Variants in CNTD1 observed in about 807,000 individuals in gnomAD.
The protein encoded by CNTD1 is cyclin N-terminal domain-containing protein 1.
Under a neutral mutation model 36.3 loss-of-function variants are expected in CNTD1, and 17 were observed. That is an observed-to-expected ratio of 0.47 (90% CI 0.32 to 0.70). CNTD1 has a LOEUF of 0.70. CNTD1 is among the 30% of genes least tolerant of loss of function. The pLI, the probability that CNTD1 is intolerant of heterozygous loss-of-function variation, is 0.03. For missense variants in CNTD1, 338 were observed against 386.1 expected (o/e 0.88, Z 1.04); for synonymous variants, 128 against 153.3 (o/e 0.83, Z 1.22).
intron 1 of CNTD1, among the ~76,000 whole-genome samples, chr17:42,800,987 C>G (rs1233295200): frequency 2.6e-5 from 4 of 152,028 alleles, no homozygotes; most frequent in Admixed American, 1.3e-4. Flanking sequence ...GGGTTCGAGA[C>G]CAGCCTGGCC....
Position 42,799,241 on chromosome 17 carries a change from G to A in CNTD1, c.169+5G>A, listed in dbSNP as rs1283074065. ...TCAGGGAGCCCCAGATCGTGGGTGC[G>A]GCTGCAGGGCCGGGGTGCTGGGTTC... On this transcript the variant is annotated splice_donor_5th_base_variant and intron_variant, in intron 1 of 6. Transcript: ENST00000588408. The A allele has an allele frequency of 3.7e-6, 6 of 1,611,950 alleles. No individual in the cohort carries two copies. Among genetic ancestry groups the A allele is most frequent in the African/African-American group, 2.7e-5 (2 of 74,848 alleles).
Position 42,810,746 on chromosome 17 carries a change from C to T in CNTD1, c.*1211C>T. 2 of 1,587,430 alleles carry T rather than the reference C, an allele frequency of 1.3e-6. No individual in the cohort carries two copies. Among genetic ancestry groups the T allele is most frequent in the East Asian group, 2.3e-5 (1 of 44,252 alleles). On this transcript the variant is annotated 3_prime_UTR_variant, in exon 7 of 7. Coordinates refer to ENST00000588408, the MANE Select transcript of CNTD1 (RefSeq NM_173478.3). ...TAAAAGCCTTTAAGGCAAACCTCCC[C>T]CTAAGGAAAAAAGTCATTTGTTATA...
chr17:42,810,638 T>C lies in CNTD1; in HGVS notation c.*1103T>C. On this transcript the variant is annotated 3_prime_UTR_variant, in exon 7 of 7. Transcript: ENST00000588408. ...TTAAAATAAAGTGGCTTTTGTGGAT[T>C]TTTTCTTTTTTGGTATTGTAAACAT... 1 of 1,092,260 alleles carries C rather than the reference T, an allele frequency of 9.2e-7. No individual in the cohort carries two copies. Among genetic ancestry groups the C allele is most frequent in the South Asian group, 2.1e-5 (1 of 46,562 alleles). The allele number at this position is 1,092,260 out of a possible 1,614,324, so 67.7% of individuals were successfully genotyped here. A position where few individuals can be genotyped will look rare whatever the true frequency, so the allele number is the denominator to read the frequency against.
Position 42,809,418 on chromosome 17 carries a change from G to A in CNTD1, c.876G>A (p.Glu292=). The A allele has an allele frequency of 6.2e-7, 1 of 1,614,170 alleles. No homozygotes were observed. Among genetic ancestry groups the A allele is most frequent in the East Asian group, 2.2e-5 (1 of 44,890 alleles). ...GTATTGCCTTGGCAAGCATTGCTGA[G>A]TTCTCTTATGCAATCCTGACTCACG... ...ITGIALASIA[E]FSYAILTHGV... Residue 292 remains glutamate (E), a synonymous_variant, in exon 7 of 7, where the codon GAG becomes GAA. Coordinates refer to ENST00000588408, the MANE Select transcript of CNTD1 (RefSeq NM_173478.3).
intron 1 of CNTD1, 125 bp from the exon 2 acceptor site, chr17:42,803,495 C>T (rs781198660): frequency 2.9e-6 from 2 of 695,210 alleles, no homozygotes; most frequent in Non-Finnish European, 5.0e-6. Flanking sequence ...TTGTTTTAGT[C>T]TCATCTTTCT....
rs1203712855 is a variant in CNTD1 at position 42,805,717 on chromosome 17, C to T, written c.418-5C>T. Reference sequence around the variant, plus strand: ...TTCTTCTTTCCCTCTCTTTTCTTTGCTCAGATAATCAGCAACATTACAGTC... The same window carrying T: ...TTCTTCTTTCCCTCTCTTTTCTTTGTTCAGATAATCAGCAACATTACAGTC... On this transcript the variant is annotated splice_region_variant and splice_polypyrimidine_tract_variant and intron_variant, in intron 3 of 6. Coordinates refer to ENST00000588408, the MANE Select transcript of CNTD1 (RefSeq NM_173478.3). 2 of 1,608,110 alleles carry T rather than the reference C, an allele frequency of 1.2e-6. No individual in the cohort carries two copies.
chr17:42,804,346 C>T lies in CNTD1; in HGVS notation c.367C>T (p.Arg123Cys), dbSNP rs768435292. The T allele has an allele frequency of 3.7e-6, 6 of 1,614,040 alleles. No homozygotes were observed. In the South Asian group the frequency reaches 4.4e-5, roughly 12 times the overall value. The change falls in exon 3 of 7, where the codon CGT becomes TGT. Residue 123 changes from arginine (R) to cysteine (C), a missense_variant. Transcript: ENST00000588408. ...KQQLVNKFTLRLVSCVQLASK... is the reference protein window; with the variant it reads ...KQQLVNKFTLCLVSCVQLASK... ...GCAGCTTGTCAACAAGTTTACTCTC[C>T]GTCTTGTGTCATGTGTTCAGCTGGC...
intron 1 of CNTD1, among the ~76,000 whole-genome samples, chr17:42,801,505 AAAAAAATATATAT>A (rs1476753926): frequency 1.8e-5 from 1 of 54,668 alleles, no homozygotes; most frequent in African/African-American, 1.7e-4. Flanking sequence ...CAAAAAAAAA[AAAAAAATATATAT>A]ATATATATAT....
rs754965732 is a variant in CNTD1, at chr17:42,805,820, C to T, written c.516C>T (p.Ser172=). The change falls in exon 4 of 7, where the codon TCC becomes TCT. Residue 172 remains serine, a synonymous_variant. Coordinates refer to ENST00000588408, the MANE Select transcript of CNTD1 (RefSeq NM_173478.3). ...AATCAGAGCTTGATGTTTTGAAGTCCTTGAACTTCCGAATTAATCTGCCCA... is the reference window on the plus strand; with the variant it reads ...AATCAGAGCTTGATGTTTTGAAGTCTTTGAACTTCCGAATTAATCTGCCCA... ...LLESELDVLK[S]LNFRINLPTP... 5 of 1,613,986 alleles carry T rather than the reference C, an allele frequency of 3.1e-6. No homozygotes were observed. Among genetic ancestry groups the T allele is most frequent in the East Asian group, 2.2e-5 (1 of 44,900 alleles).
intron 1 of CNTD1, among the ~76,000 whole-genome samples, chr17:42,802,018 C>T (rs2054803859): frequency 6.6e-6 from 1 of 152,110 alleles, no homozygotes; most frequent in Non-Finnish European, 1.5e-5. Context: ...CTCTGAGAAT[C>T]ATTTCAGCAA....
At position 42,806,775 on chromosome 17, in the gene CNTD1, T is replaced by C. The variant is rs567598079; in HGVS notation, c.682T>C (p.Leu228=). 2 of 1,614,134 alleles carry C rather than the reference T, an allele frequency of 1.2e-6. No individual in the cohort carries two copies. Among genetic ancestry groups the C allele is most frequent in the African/African-American group, 2.7e-5 (2 of 75,022 alleles). Residue 228 remains leucine, a synonymous_variant, in exon 5 of 7, where the codon TTG becomes CTG. Coordinates refer to ENST00000588408, the MANE Select transcript of CNTD1 (RefSeq NM_173478.3). ...LLHEPIYESL[L]RASIENSTPS... ...GCATGAACCCATATATGAGAGCCTGTTGAGGGCTTCAATTGAGAACTCCAC... is the reference window on the plus strand; with the variant it reads ...GCATGAACCCATATATGAGAGCCTGCTGAGGGCTTCAATTGAGAACTCCAC...
At position 42,803,626 on chromosome 17, in the gene CNTD1, T is replaced by C. The variant is rs2054829784; in HGVS notation, c.176T>C (p.Val59Ala). ...RFREPQIVEF[V>A]FLLSEQWCLE... is the part of the protein sequence containing the mutation. ...TTTTTTCCTGTTTTGGCAGAGTTTG[T>C]TTTTCTCCTGTCTGAACAATGGTGT... The change falls in exon 2 of 7, where the codon GTT (valine) becomes GCT (alanine). Residue 59 changes from valine to alanine, a missense_variant. Val to Ala is a moderately conservative substitution (Grantham distance 64, BLOSUM62 0). Coordinates refer to ENST00000588408, the MANE Select transcript of CNTD1 (RefSeq NM_173478.3). 6.2e-7 allele frequency: 1 copy of C among 1,613,080 alleles called. No individual in the cohort carries two copies. Among genetic ancestry groups the C allele is most frequent in the Non-Finnish European group, 8.5e-7 (1 of 1,179,672 alleles).
chr17:42,806,925 T>C lies in CNTD1; in HGVS notation c.725+107T>C, dbSNP rs1597918128. ...GCCTAGCATGGCATCCAGTCCCAGA[T>C]AACCTACTCAGGCTACCTGGTTCTC... On this transcript the variant is annotated intron_variant, in intron 5 of 6. Transcript: ENST00000588408. 1.1e-5 allele frequency: 11 copies of C among 1,031,082 alleles called. No homozygotes were observed. The East Asian group carries it at 2.8e-4, about 27-fold the overall frequency. The allele number at this position is 1,031,082 out of a possible 1,614,324, so 63.9% of individuals were successfully genotyped here. A position where few individuals can be genotyped will look rare whatever the true frequency, so the allele number is the denominator to read the frequency against.
intron 2 of CNTD1, 77 bp from the exon 3 acceptor site, chr17:42,804,148 A>T: frequency 7.2e-7 from 1 of 1,390,210 alleles, no homozygotes; most frequent in Admixed American, 2.1e-5. Context: ...CTCAAATGTA[A>T]ATTTCTTAAC....
Position 42,799,072 on chromosome 17 carries a change from A to G in CNTD1, c.5A>G (p.Asp2Gly). The change falls in exon 1 of 7, where the codon GAC (aspartate) becomes GGC (glycine). Residue 2 changes from aspartate (D) to glycine (G), a missense_variant. By Grantham distance (94) the Asp-to-Gly change is moderately conservative. Transcript: ENST00000588408. Reference sequence around the variant, plus strand: ...TGCCCCAAGAGGCTCGTGAATATGGACGGACCCATGAGGCCACGATCGGCC... The same window carrying G: ...TGCCCCAAGAGGCTCGTGAATATGGGCGGACCCATGAGGCCACGATCGGCC... M[D>G]GPMRPRSASL... 1 of 1,613,648 alleles carries G rather than the reference A, an allele frequency of 6.2e-7. No individual in the cohort carries two copies. Among genetic ancestry groups the G allele is most frequent in the Non-Finnish European group, 8.5e-7 (1 of 1,179,906 alleles).
In CNTD1 at chr17:42,809,349, G is replaced by T. The variant is rs776337454; in HGVS notation, c.823-16G>T. On this transcript the variant is annotated splice_polypyrimidine_tract_variant and intron_variant, in intron 6 of 6. Coordinates refer to ENST00000588408, the MANE Select transcript of CNTD1 (RefSeq NM_173478.3). ...GAGATTTTTTAGTAATAAGAAATCT[G>T]TCTCTATTTCTGAAGGTTGTGGGGC... 6 of 1,592,776 alleles carry T rather than the reference G, an allele frequency of 3.8e-6. No individual in the cohort carries two copies. The Admixed American group carries it at 1.0e-4, about 27-fold the overall frequency.
At chr17:42,804,523 A>C in intron 3 of CNTD1, 127 bp downstream of exon 3, 2,487 of 716,900 alleles carry the variant, frequency 3.5e-3, no homozygotes, top group East Asian at 5.4e-3. Context: ...AAGTAAAAAC[A>C]ACGGCCGGGC....
In CNTD1 at chr17:42,799,185, G is replaced by C. The variant is rs762529202; in HGVS notation, c.118G>C (p.Val40Leu). The change falls in exon 1 of 7, where the codon GTG (valine) becomes CTG (leucine). Residue 40 changes from valine (V) to leucine (L), a missense_variant. Coordinates refer to ENST00000588408, the MANE Select transcript of CNTD1 (RefSeq NM_173478.3). ...LHLAQQNEQA[V>L]REASGRLGRF... ...CTTGGCCCAGCAGAATGAGCAAGCA[G>C]TGAGGGAGGCTTCGGGGCGGCTGGG... is the stretch of plus-strand genomic sequence containing the variant. The C allele has an allele frequency of 1.2e-6, 2 of 1,614,152 alleles. No homozygotes were observed. The highest frequency in any genetic ancestry group is 2.2e-5 in the South Asian group (2 of 91,078).
rs1353213375 is a variant in CNTD1 at position 42,805,803 on chromosome 17, C to T, written c.499C>T (p.Leu167Phe). The change falls in exon 4 of 7, where the codon CTT (leucine) becomes TTT (phenylalanine). Residue 167 changes from leucine to phenylalanine, a missense_variant. Leu to Phe is a conservative substitution (Grantham distance 22). Coordinates refer to ENST00000588408, the MANE Select transcript of CNTD1 (RefSeq NM_173478.3). ...TAAAGAAGAACTGCTGGAATCAGAG[C>T]TTGATGTTTTGAAGTCCTTGAACTT... ...HTKEELLESE[L>F]DVLKSLNFRI... 1.9e-6 allele frequency: 3 copies of T among 1,613,992 alleles called. No individual in the cohort carries two copies. In the Admixed American group the frequency reaches 5.0e-5, roughly 27 times the overall value.
Sources: gnomAD v4.1 joint callset for allele counts (sites outside exome capture counted in the v4.1 genomes callset) on GRCh38, gnomAD v4.1.1 for gene constraint, MANE v1.5 for transcripts, NCBI Gene and HGNC (gene_info 2026-07-23, HGNC 2026-07-21) for gene names.